EPC1: variants seen among roughly 807,000 people sequenced by gnomAD.
The protein encoded by EPC1 is enhancer of polycomb homolog 1.
A neutral mutation model predicts 98.4 loss-of-function variants in EPC1; 12 were observed. The ratio of observed to expected loss-of-function variants is 0.12; its 90% CI spans 0.08 to 0.20. The LOEUF (loss-of-function observed/expected upper bound fraction) is 0.20, where lower values mean the gene tolerates loss of function less well. EPC1 is among the 10% of genes least tolerant of loss of function. The pLI is 1.00. For missense variants in EPC1, 729 were observed against 990.5 expected, an observed-to-expected ratio of 0.74 and a Z score of 3.54; for synonymous variants, 357 against 363.9, an observed-to-expected ratio of 0.98 and a Z score of 0.21.
At chr10:32,282,199 A>C (rs1836445242) in intron 10 of EPC1, 1 of 152,174 alleles carries the variant, frequency 6.6e-6, no homozygotes, top group Non-Finnish European at 1.5e-5. Context: ...AAAATAATTA[A>C]GACAACAGGA....
chr10:32,273,086 T>G, intron 11 of EPC1, 77 bp downstream of exon 11: 1 of 1,614,164 alleles, frequency 6.2e-7, no homozygotes. Context: ...CAAGGTTCTA[T>G]GACAACAGTT....
intron 1 of EPC1, among the ~76,000 whole-genome samples, chr10:32,369,252 A>T (rs943393201): frequency 6.6e-6 from 1 of 152,222 alleles, no homozygotes; most frequent in Non-Finnish European, 1.5e-5. Context: ...TTAGATTTAG[A>T]TATAAAAGAC....
At chr10:32,373,866 A>G (rs551346870) in intron 1 of EPC1, among the ~76,000 whole-genome samples, 1 of 152,340 alleles carries the variant, frequency 6.6e-6, no homozygotes, top group South Asian at 2.1e-4. Context: ...TTACATATTT[A>G]GTTGAAAAAC....
In EPC1 at chr10:32,292,622, G is replaced by A. The variant is rs1834917446; in HGVS notation, c.689C>T (p.Ser230Phe). 1 of 1,604,004 alleles carries A rather than the reference G, an allele frequency of 6.2e-7. No individual in the cohort carries two copies. Among genetic ancestry groups the A allele is most frequent in the Admixed American group, 1.7e-5 (1 of 57,288 alleles). ...TRKNRKNDEA[S>F]YEKMLKLRRD... ...TCGCAGCTTAAGCATTTTTTCGTAA[G>A]AGGCTTCATCATTTTTGCGATTCTG... The change falls in exon 5 of 14, where the codon TCT (serine) becomes TTT (phenylalanine). Residue 230 changes from serine to phenylalanine, a missense_variant. Physicochemically the swap from Ser to Phe is radical, Grantham distance 155. Coordinates refer to ENST00000319778, the MANE Select transcript of EPC1 (RefSeq NM_001272004.3).
At chr10:32,346,532 C>T (rs1276910131) in intron 1 of EPC1, 4 of 532,232 alleles carry the variant, frequency 7.5e-6, no homozygotes, top group Non-Finnish European at 1.0e-5. Context: ...CTCCGCGGGA[C>T]CCGGGTACAA....
chr10:32,324,216 C>T (rs1433060947), intron 1 of EPC1, among the ~76,000 whole-genome samples: 2 of 151,018 alleles, frequency 1.3e-5, no homozygotes, highest in African/African-American at 4.9e-5. Context: ...GGATTACAGG[C>T]GTGAGCCACT....
chr10:32,354,676 C>T (rs1477004568), intron 1 of EPC1, among the ~76,000 whole-genome samples: 1 of 146,350 alleles, frequency 6.8e-6, no homozygotes, highest in Non-Finnish European at 1.5e-5. Flanking sequence ...GGGATTTACA[C>T]ATTTATTGTA....
intron 1 of EPC1, among the ~76,000 whole-genome samples, chr10:32,339,130 C>A (rs59251060): frequency 0.02 from 3,044 of 152,220 alleles, 109 homozygotes; most frequent in African/African-American, 0.07. Context: ...ACCTTTACTT[C>A]CATGCAAATT....
At chr10:32,355,755 C>T (rs568994413) in intron 1 of EPC1, among the ~76,000 whole-genome samples, 1 of 151,798 alleles carries the variant, frequency 6.6e-6, no homozygotes, top group Non-Finnish European at 1.5e-5. Flanking sequence ...GGACTACAGG[C>T]GTGCGCCACC....
chr10:32,328,059 GCA>G (rs10595615), intron 1 of EPC1, among the ~76,000 whole-genome samples: 138,584 of 152,120 alleles, frequency 0.91, 64,552 homozygotes, highest in East Asian at 1. Context: ...GGGGAGGCTT[GCA>G]CAGTTGGAAG....
chr10:32,291,242 A>C lies in EPC1; in HGVS notation c.896T>G (p.Ile299Ser). 1 of 1,613,998 alleles carries C rather than the reference A, an allele frequency of 6.2e-7. No individual in the cohort carries two copies. The highest frequency in any genetic ancestry group is 8.5e-7 in the Non-Finnish European group (1 of 1,179,900). The change falls in exon 6 of 14, where the codon ATC becomes AGC. Residue 299 changes from isoleucine (I) to serine (S), a missense_variant. Physicochemically the swap from Ile to Ser is moderately radical, Grantham distance 142. Around this residue, in one of 6 missense-constraint regions of EPC1, gnomAD observed 390 missense variants for 438.6 expected, o/e 0.89. Coordinates refer to ENST00000319778, the MANE Select transcript of EPC1 (RefSeq NM_001272004.3). ...GCTATTAGTAATAGGGATGATGGGG[A>C]TGGCATAAGTAGGTTTCATTGGCTG... ...QRQPMKPTYAIPIIPITNSSQ... is the reference protein window; with the variant it reads ...QRQPMKPTYASPIIPITNSSQ...
chr10:32,347,691 G>C (rs772868921), upstream of EPC1, among the ~76,000 whole-genome samples: 6 of 152,172 alleles, frequency 3.9e-5, no homozygotes, highest in Admixed American at 1.3e-4. Flanking sequence ...GGGGGCGAAC[G>C]CACAGCCTAG....
Position 32,287,214 on chromosome 10 carries a change from G to C in EPC1, c.1036C>G (p.Pro346Ala). 1 of 1,614,092 alleles carries C rather than the reference G, an allele frequency of 6.2e-7. No individual in the cohort carries two copies. Among genetic ancestry groups the C allele is most frequent in the Non-Finnish European group, 8.5e-7 (1 of 1,180,032 alleles). ...TGGGGAGTAGCAGCGGCAGACGATG[G>C]TAAGACTTTGGGCTTCTTTTCATAT... ...RKYEKKPKVL[P>A]SSAAATPQQT... The change falls in exon 7 of 14, where the codon CCA (proline) becomes GCA (alanine). Residue 346 changes from proline (P) to alanine (A), a missense_variant. Physicochemically the swap from Pro to Ala is conservative, Grantham distance 27. This residue lies in a region of EPC1 where 390 missense variants were observed against 438.6 expected (regional missense o/e 0.89). Coordinates refer to ENST00000319778, the MANE Select transcript of EPC1 (RefSeq NM_001272004.3).
upstream of EPC1, among the ~76,000 whole-genome samples, chr10:32,348,721 T>A (rs1839016075): frequency 6.6e-6 from 1 of 152,136 alleles, no homozygotes; most frequent in South Asian, 2.1e-4. Flanking sequence ...GCCTTCCAAG[T>A]CAGCTTGGCA....
At chr10:32,311,520 G>T (rs1418905143) in intron 1 of EPC1, among the ~76,000 whole-genome samples, 2 of 150,824 alleles carry the variant, frequency 1.3e-5, no homozygotes, top group South Asian at 4.2e-4. Flanking sequence ...TTCTTCTAAG[G>T]CTTAAAAAAA....
Position 32,344,786 on chromosome 10 carries a change from C to CAGAAA in EPC1, c.153+1972_153+1976dup, listed in dbSNP as rs150805152. 4.7e-3 allele frequency among the ~76,000 whole-genome samples: 710 copies of CAGAAA among 152,028 alleles called. 6 individuals are homozygous for CAGAAA. The highest frequency in any genetic ancestry group is 0.017 in the Middle Eastern group (5 of 294). On this transcript the variant is annotated intron_variant, in intron 1 of 13. Coordinates refer to ENST00000319778, the MANE Select transcript of EPC1 (RefSeq NM_001272004.3). ...TGGGCAACAGAGTGAGACTCCATCT[C>CAGAAA]AGAAAAGAAAAGAAGAAAAATCTAA...
At chr10:32,339,133 T>A (rs1310416925) in intron 1 of EPC1, among the ~76,000 whole-genome samples, 1 of 152,170 alleles carries the variant, frequency 6.6e-6, no homozygotes, top group Non-Finnish European at 1.5e-5. Context: ...TTTACTTCCA[T>A]GCAAATTATG....
rs1032427126 is a variant in EPC1, at chr10:32,293,503, C to T, written c.459+89G>A. 4.4e-5 allele frequency: 55 copies of T among 1,247,760 alleles called. No individual in the cohort carries two copies. In the Admixed American group the frequency reaches 5.4e-4, roughly 12 times the overall value. 77.3% of individuals were successfully genotyped at this position (1,247,760 alleles called of 1,614,324 possible). On this transcript the variant is annotated intron_variant, in intron 3 of 13. Transcript: ENST00000319778. Reference sequence around the variant, plus strand: ...TTAACTCTAAAGCCTGACTGATTACCCCCAACCTGCAATCTCACACTCTTT... The same window carrying T: ...TTAACTCTAAAGCCTGACTGATTACTCCCAACCTGCAATCTCACACTCTTT...
At chr10:32,290,072 A>C (rs1316200197) in intron 6 of EPC1, among the ~76,000 whole-genome samples, 3 of 152,182 alleles carry the variant, frequency 2.0e-5, no homozygotes, top group African/African-American at 7.2e-5. Context: ...TATTCTTCAC[A>C]AATTGTGACT....
Sources: gnomAD v4.1 joint callset for allele counts (sites outside exome capture counted in the v4.1 genomes callset) on GRCh38, gnomAD v4.1.1 for gene constraint, gnomAD v4.1.1 regional missense constraint, MANE v1.5 for transcripts, NCBI Gene and HGNC (gene_info 2026-07-23, HGNC 2026-07-21) for gene names.